ZNF331: variants seen among roughly 807,000 people sequenced by gnomAD.
The protein encoded by ZNF331 is C2H2-like zinc finger protein rearranged in thyroid adenomas.
In ZNF331, 2 loss-of-function variants were observed where a neutral mutation model predicts 7.0. The observed-to-expected ratio is 0.29, with a 90% CI of 0.12 to 0.90. The LOEUF is 0.90. Ranked by LOEUF, ZNF331 falls within the 40% of genes least tolerant of loss-of-function variation. The pLI, the probability that ZNF331 is intolerant of heterozygous loss-of-function variation, is 0.58. For missense variants in ZNF331, 432 were observed against 587.7 expected (o/e 0.74, Z 2.74); for synonymous variants, 196 against 205.4 (o/e 0.95, Z 0.39).
chr19:53,513,082 C>T, the ZNF331 span, among the ~76,000 whole-genome samples: 1 of 151,446 alleles, frequency 6.6e-6, no homozygotes, highest in African/African-American at 2.4e-5. Context: ...TCCTTCTGGA[C>T]CTCCTCAGCT....
intron 5 of ZNF331, among the ~76,000 whole-genome samples, chr19:53,575,297 T>A (rs1024291902): frequency 6.6e-6 from 1 of 152,146 alleles, no homozygotes; most frequent in African/African-American, 2.4e-5. Flanking sequence ...GCTGGCCATT[T>A]AACATTTTGT....
intron 3 of ZNF331, among the ~76,000 whole-genome samples, chr19:53,568,239 C>T (rs906764842): frequency 2.0e-4 from 30 of 147,990 alleles, no homozygotes; most frequent in Middle Eastern, 3.5e-3. Context: ...AGTGAGACTC[C>T]GTTCAAAAAA....
chr19:53,518,669 T>C (rs2086965564), upstream of ZNF331, among the ~76,000 whole-genome samples: 1 of 152,170 alleles, frequency 6.6e-6, no homozygotes, highest in Admixed American at 6.5e-5. Flanking sequence ...ATGTTATAGA[T>C]TAAACATTTC....
intron 2 of ZNF331, among the ~76,000 whole-genome samples, chr19:53,545,778 G>A (rs2088554977): frequency 6.6e-6 from 1 of 152,168 alleles, no homozygotes; most frequent in African/African-American, 2.4e-5. Flanking sequence ...CAACACAAAG[G>A]GCACAGCCAT....
the ZNF331 span, among the ~76,000 whole-genome samples, chr19:53,509,528 CTACAAG>C: frequency 1.3e-5 from 2 of 152,146 alleles, no homozygotes; most frequent in South Asian, 4.1e-4. Context: ...GTGTCTGATA[CTACAAG>C]TGTATACACA....
chr19:53,504,940 C>A, the ZNF331 span, among the ~76,000 whole-genome samples: 1 of 152,164 alleles, frequency 6.6e-6, no homozygotes, highest in Non-Finnish European at 1.5e-5. Flanking sequence ...CACTCTCTAA[C>A]CCTGGAATGG....
At chr19:53,524,440 T>G (rs527699946) in intron 2 of ZNF331, among the ~76,000 whole-genome samples, 1 of 152,318 alleles carries the variant, frequency 6.6e-6, no homozygotes, top group East Asian at 1.9e-4. Context: ...TTCCTGACTT[T>G]TTAATGATTG....
chr19:53,504,198 A>G, the ZNF331 span: 2 of 335,176 alleles, frequency 6.0e-6, no homozygotes, highest in South Asian at 4.9e-5. Context: ...CTCTGCAATG[A>G]TCAGTGCAGG....
At chr19:53,545,554 A>G (rs1481629121) in intron 2 of ZNF331, among the ~76,000 whole-genome samples, 1 of 152,154 alleles carries the variant, frequency 6.6e-6, no homozygotes, top group African/African-American at 2.4e-5. Flanking sequence ...CTGGGGTGAC[A>G]CAGCGCCAGT....
intron 3 of ZNF331, among the ~76,000 whole-genome samples, chr19:53,568,771 TA>T (rs1392503298): frequency 2.0e-5 from 3 of 149,320 alleles, no homozygotes; most frequent in Non-Finnish European, 3.0e-5. Context: ...AAAAAAAAAG[TA>T]AAGCCTCCTC....
rs548911426 is a variant in ZNF331, at chr19:53,577,478, G to C, written c.918G>C (p.Lys306Asn). 6.2e-7 allele frequency: 1 copy of C among 1,614,188 alleles called. No homozygotes were observed. Among genetic ancestry groups the C allele is most frequent in the East Asian group, 2.2e-5 (1 of 44,864 alleles). Residue 306 changes from lysine to asparagine, a missense_variant, in exon 6 of 6, where the codon AAG becomes AAC. This residue lies in a region of ZNF331 where 312 missense variants were observed against 448.6 expected (regional missense o/e 0.70). Transcript: ENST00000449416. ...EKPYECQECG[K>N]AFTRVNYLTQ... ...CCTATGAATGTCAAGAATGTGGGAA[G>C]GCCTTTACTCGAGTCAATTACCTTA...
At chr19:53,530,512 A>G (rs1475978132) in intron 2 of ZNF331, among the ~76,000 whole-genome samples, 1 of 152,250 alleles carries the variant, frequency 6.6e-6, no homozygotes, top group African/African-American at 2.4e-5. Context: ...TTGTTTTATA[A>G]CTTGTATTTT....
intron 2 of ZNF331, among the ~76,000 whole-genome samples, chr19:53,548,074 C>A (rs1386977832): frequency 3.3e-5 from 5 of 151,804 alleles, no homozygotes. Context: ...GGACTACAGG[C>A]ACATGCCATC....
rs7256084 is a variant in ZNF331, at chr19:53,539,612, A to G, written c.-138+330A>G. Reference sequence around the variant, plus strand: ...CAGCCTCAAATGGCCTAGAACTGTTATCCTTAACCTGAGGGCCTGCCTTTA... The same window carrying G: ...CAGCCTCAAATGGCCTAGAACTGTTGTCCTTAACCTGAGGGCCTGCCTTTA... On this transcript the variant is annotated intron_variant, in intron 2 of 5. Transcript: ENST00000449416. This position sits in a 1 kb window ranked among gnomAD's most constrained non-coding sequence, Gnocchi z 6.1. 71,207 of 152,048 alleles carry G rather than the reference A, an allele frequency of 0.47. 17,269 individuals are homozygous for G. Among genetic ancestry groups the G allele is most frequent in the African/African-American group, 0.6 (24,707 of 41,454 alleles). 9.4% of individuals were successfully genotyped at this position (152,048 alleles called of 1,614,324 possible). A position where few individuals can be genotyped will look rare whatever the true frequency, so the allele number is the denominator to read the frequency against.
chr19:53,553,567 A>T (rs1347838503), intron 2 of ZNF331, among the ~76,000 whole-genome samples: 2 of 152,110 alleles, frequency 1.3e-5, no homozygotes, highest in African/African-American at 4.8e-5. Context: ...CTTGGGATAA[A>T]TTCTAAAAAG....
At chr19:53,541,885 T>TA (rs1159106089) in intron 2 of ZNF331, among the ~76,000 whole-genome samples, 4 of 152,102 alleles carry the variant, frequency 2.6e-5, no homozygotes, top group African/African-American at 9.6e-5. Flanking sequence ...TGGTGATGCA[T>TA]ACCTATAGTT....
chr19:53,548,386 C>T (rs774769156), intron 2 of ZNF331, among the ~76,000 whole-genome samples: 4 of 152,170 alleles, frequency 2.6e-5, no homozygotes, highest in Non-Finnish European at 5.9e-5. Flanking sequence ...GCTGGGATTA[C>T]AGGTGTGAGC....
upstream of ZNF331, among the ~76,000 whole-genome samples, chr19:53,520,395 C>T (rs1048329952): frequency 6.6e-6 from 1 of 152,124 alleles, no homozygotes; most frequent in Non-Finnish European, 1.5e-5. Flanking sequence ...TCCCTATGGA[C>T]GGATCCCAAA....
chr19:53,561,065 G>A (rs1172814670), intron 3 of ZNF331, among the ~76,000 whole-genome samples: 1 of 152,090 alleles, frequency 6.6e-6, no homozygotes, highest in East Asian at 1.9e-4. Context: ...CGCTGAGGTG[G>A]GAGGATCACT....
Sources: gnomAD v4.1 joint callset for allele counts (sites outside exome capture counted in the v4.1 genomes callset) on GRCh38, gnomAD v4.1.1 for gene constraint, gnomAD v4.1.1 regional missense constraint, Gnocchi (gnomAD v3.1) non-coding constraint, MANE v1.5 for transcripts, NCBI Gene and HGNC (gene_info 2026-07-23, HGNC 2026-07-21) for gene names.